Variants in UBFD1 observed in about 807,000 individuals in gnomAD.
The protein encoded by UBFD1 is ubiquitin domain-containing protein UBFD1.
A neutral mutation model predicts 35.1 loss-of-function variants in UBFD1; 12 were observed. The ratio of observed to expected loss-of-function variants is 0.34; its 90% CI spans 0.22 to 0.55. UBFD1 has a LOEUF of 0.55. UBFD1 is among the 20% of genes least tolerant of loss of function. UBFD1 has a pLI of 0.89. For missense variants in UBFD1, 337 were observed against 410.8 expected (o/e 0.82, Z 1.55); for synonymous variants, 178 against 167.6 (o/e 1.06, Z -0.48).
intron 5 of UBFD1, among the ~76,000 whole-genome samples, chr16:23,564,308 G>A (rs1023931388): frequency 6.6e-6 from 1 of 152,134 alleles, no homozygotes; most frequent in Non-Finnish European, 1.5e-5. Flanking sequence ...TTGTTAAAAT[G>A]AACAAAAATT....
chr16:23,557,800 G>C (rs932745835), intron 1 of UBFD1, 33 bp downstream of exon 1: 3 of 1,274,330 alleles, frequency 2.4e-6, no homozygotes, highest in Non-Finnish European at 3.0e-6. Context: ...GCGCCGGGCC[G>C]GGGCTGAGGT....
rs375139253 is a variant in UBFD1, at chr16:23,558,011, G to A, written c.87G>A (p.Arg29=). Residue 29 remains arginine, a synonymous_variant, in exon 2 of 7, where the codon CGG becomes CGA. Coordinates refer to ENST00000395878, the MANE Select transcript of UBFD1 (RefSeq NM_019116.3). ...CTGTGGCTACTGAGGCTCCCGCGCG[G>A]CCCGTCAACTGCCTGGAGGCTGAAG... ...AETVATEAPA[R]PVNCLEAEAA... 2 of 1,361,952 alleles carry A rather than the reference G, an allele frequency of 1.5e-6. No homozygotes were observed. The highest frequency in any genetic ancestry group is 1.5e-5 in the African/African-American group (1 of 66,084). The allele number at this position is 1,361,952 out of a possible 1,614,324, so 84.4% of individuals were successfully genotyped here.
intron 2 of UBFD1, 107 bp from the exon 3 acceptor site, chr16:23,559,361 G>GT: frequency 1.1e-6 from 1 of 909,856 alleles, no homozygotes; most frequent in South Asian, 1.7e-5. Flanking sequence ...CTAATAGGTG[G>GT]TGGAGGCAGT....
At chr16:23,558,713 A>G (rs1811176) in intron 2 of UBFD1, among the ~76,000 whole-genome samples, 14,510 of 152,092 alleles carry the variant, frequency 0.095, 1,355 homozygotes, top group African/African-American at 0.24. Context: ...GGTTCTTCAC[A>G]GTCGATTCTG....
rs1160666307 is a variant in UBFD1 at position 23,570,267 on chromosome 16, G to GT, written c.820-210dup. ...CCGGATGGCTCTGATGACCACTCAG[G>GT]TTTGAGAACTGCTGCTTTAGGGTTG... On this transcript the variant is annotated intron_variant, in intron 6 of 6. Coordinates refer to ENST00000395878, the MANE Select transcript of UBFD1 (RefSeq NM_019116.3). 6.6e-5 allele frequency among the ~76,000 whole-genome samples: 10 copies of GT among 152,278 alleles called. No individual in the cohort carries two copies. The South Asian group carries it at 1.7e-3, about 25-fold the overall frequency.
At chr16:23,557,896 G>C (rs1254779708) in intron 1 of UBFD1, 54 bp from the exon 2 acceptor site, 5 of 1,274,732 alleles carry the variant, frequency 3.9e-6, no homozygotes, top group Admixed American at 4.2e-5. Context: ...CCCGGACAGC[G>C]TCCGTTCCCA....
At position 23,562,188 on chromosome 16, in the gene UBFD1, C is replaced by A. The variant is rs770312744; in HGVS notation, c.565-18C>A. The A allele has an allele frequency of 3.7e-6, 6 of 1,606,540 alleles. No individual in the cohort carries two copies. Among genetic ancestry groups the A allele is most frequent in the Non-Finnish European group, 4.3e-6 (5 of 1,175,576 alleles). On this transcript the variant is annotated intron_variant, in intron 3 of 6. Transcript: ENST00000395878. Reference sequence around the variant, plus strand: ...ATGTAGTCAGCTGTTTCATTTCATTCTCTCTTCTGACTTATAGCAACACAG... The same window carrying A: ...ATGTAGTCAGCTGTTTCATTTCATTATCTCTTCTGACTTATAGCAACACAG...
chr16:23,565,577 CTTTAGGG>C (rs1215880678), intron 5 of UBFD1: 2 of 152,156 alleles, frequency 1.3e-5, no homozygotes, highest in African/African-American at 4.8e-5. Flanking sequence ...CCAGGTCCTG[CTTTAGGG>C]CCGACTGTTG....
Position 23,559,683 on chromosome 16 carries a change from C to G in UBFD1, c.564+7C>G, listed in dbSNP as rs371454749. ...GCCTCTCTGCAGGCAGAAAGTGAGTCCATCTTGTGCTTCTTGGTCTTGAGA... is the reference window on the plus strand; with the variant it reads ...GCCTCTCTGCAGGCAGAAAGTGAGTGCATCTTGTGCTTCTTGGTCTTGAGA... On this transcript the variant is annotated splice_region_variant and intron_variant, in intron 3 of 6. Coordinates refer to ENST00000395878, the MANE Select transcript of UBFD1 (RefSeq NM_019116.3). 3.1e-6 allele frequency: 5 copies of G among 1,613,992 alleles called. No individual in the cohort carries two copies. The South Asian group carries it at 3.3e-5, about 11-fold the overall frequency.
At chr16:23,559,857 C>G (rs1965903813) in intron 3 of UBFD1, 181 bp downstream of exon 3, 1 of 1,535,434 alleles carries the variant, frequency 6.5e-7, no homozygotes, top group Non-Finnish European at 8.7e-7. Flanking sequence ...GCAACTTTGT[C>G]TCATCTGGCG....
At chr16:23,562,109 A>T (rs1965944042) in intron 3 of UBFD1, 97 bp from the exon 4 acceptor site, 2 of 1,191,446 alleles carry the variant, frequency 1.7e-6, no homozygotes, top group Admixed American at 2.2e-5. Flanking sequence ...CTTTTGAGCC[A>T]AAACACTAAG....
At chr16:23,568,783 G>A (rs6497675) in intron 6 of UBFD1, 14,471 of 151,770 alleles carry the variant, frequency 0.095, 1,092 homozygotes, top group African/African-American at 0.21. Context: ...AGCAGAGATC[G>A]TGCCACTACA....
chr16:23,558,298 A>G lies in UBFD1; in HGVS notation c.355+19A>G. 5 of 1,592,334 alleles carry G rather than the reference A, an allele frequency of 3.1e-6. No individual in the cohort carries two copies. The highest frequency in any genetic ancestry group is 4.3e-6 in the Non-Finnish European group (5 of 1,170,404). On this transcript the variant is annotated intron_variant, in intron 2 of 6. Coordinates refer to ENST00000395878, the MANE Select transcript of UBFD1 (RefSeq NM_019116.3). ...ATTACAGGTAATTCCTGTGGCGCTGACAGCCAGTCTTCCCCACCCCGCCTC... is the reference window on the plus strand; with the variant it reads ...ATTACAGGTAATTCCTGTGGCGCTGGCAGCCAGTCTTCCCCACCCCGCCTC...
rs1016324575 is a variant in UBFD1 at position 23,570,622 on chromosome 16, C to T, written c.*32C>T. 13 of 1,572,596 alleles carry T rather than the reference C, an allele frequency of 8.3e-6. No homozygotes were observed. Among genetic ancestry groups the T allele is most frequent in the Non-Finnish European group, 1.1e-5 (13 of 1,142,958 alleles). On this transcript the variant is annotated 3_prime_UTR_variant, in exon 7 of 7. Coordinates refer to ENST00000395878, the MANE Select transcript of UBFD1 (RefSeq NM_019116.3). ...TTTCACCTCTGGCCCAGGAGACTGACCCAAAGTGAAGGACATTGCCGGGAG... is the reference window on the plus strand; with the variant it reads ...TTTCACCTCTGGCCCAGGAGACTGATCCAAAGTGAAGGACATTGCCGGGAG...
chr16:23,568,834 CAAAA>C (rs1204558830), intron 6 of UBFD1: 3 of 151,378 alleles, frequency 2.0e-5, no homozygotes, highest in Non-Finnish European at 4.4e-5. Context: ...AAAAAACAAA[CAAAA>C]AAACAAAACA....
intron 2 of UBFD1, 148 bp from the exon 3 acceptor site, chr16:23,559,320 C>A: frequency 1.5e-6 from 1 of 659,346 alleles, no homozygotes; most frequent in Non-Finnish European, 2.6e-6. Flanking sequence ...AACTGAGGTT[C>A]AGAGGTTGTA....
intron 5 of UBFD1, among the ~76,000 whole-genome samples, chr16:23,563,837 G>A (rs1009987946): frequency 6.6e-6 from 1 of 152,180 alleles, no homozygotes; most frequent in African/African-American, 2.4e-5. Flanking sequence ...CTCATGCTGT[G>A]CCCTTACCTG....
In UBFD1 at chr16:23,558,444, C is replaced by T. The variant is rs563610836; in HGVS notation, c.355+165C>T. Among the ~76,000 whole-genome samples, 25 of 152,312 alleles carry T rather than the reference C, an allele frequency of 1.6e-4. 1 individual carries two copies. In the South Asian group the frequency reaches 5.0e-3, roughly 30 times the overall value. ...CATTACTCAGCTGGGGAAAGAGACT[C>T]AAGTTTATAGAGCTAGTAAGTTGCA... is the stretch of plus-strand genomic sequence containing the variant. On this transcript the variant is annotated intron_variant, in intron 2 of 6. Coordinates refer to ENST00000395878, the MANE Select transcript of UBFD1 (RefSeq NM_019116.3).
chr16:23,567,834 G>A lies in UBFD1; in HGVS notation c.819+765G>A, dbSNP rs145414717. ...GGCCATTGTTCATCCAAGGAGGCAG[G>A]CCTTTCAGTGTCCATCCCACAGTGA... On this transcript the variant is annotated intron_variant, in intron 6 of 6. Coordinates refer to ENST00000395878, the MANE Select transcript of UBFD1 (RefSeq NM_019116.3). Among the ~76,000 whole-genome samples, 8 of 152,386 alleles carry A rather than the reference G, an allele frequency of 5.2e-5. No homozygotes were observed. In the South Asian group the frequency reaches 8.3e-4, roughly 16 times the overall value.
Sources: allele counts gnomAD v4.1 joint callset (sites outside exome capture counted in the v4.1 genomes callset), GRCh38; gene constraint gnomAD v4.1.1; transcripts MANE v1.5; gene names NCBI Gene and HGNC (gene_info 2026-07-23, HGNC 2026-07-21).